AGMO: variants seen among roughly 807,000 people sequenced by gnomAD.
AGMO encodes glyceryl-ether monooxygenase.
AGMO carries 75 observed loss-of-function variants against 60.2 expected under a neutral mutation model. The observed-to-expected ratio is 1.25, with a 90% confidence interval of 1.03 to 1.51. The LOEUF (loss-of-function observed/expected upper bound fraction) is 1.51, where lower values mean the gene tolerates loss of function less well. Among genes scored for constraint, AGMO ranks in the 40% most tolerant of loss-of-function variants. The pLI, the probability that AGMO is intolerant of heterozygous loss-of-function variation, is 0.00. For synonymous variants in AGMO, 261 were observed against 177.1 expected, an observed-to-expected ratio of 1.47 and a Z score of -3.76; for missense variants, 763 against 525.5, an observed-to-expected ratio of 1.45 and a Z score of -4.42.
At chr7:15,172,731 T>G in the AGMO span, among the ~76,000 whole-genome samples, 1 of 152,136 alleles carries the variant, frequency 6.6e-6, no homozygotes, top group Admixed American at 6.5e-5. Context: ...ATGCTTATGC[T>G]TATCTAGAAT....
At chr7:15,418,766 T>C (rs545098769) in intron 4 of AGMO, 113 bp from the exon 5 acceptor site, 2 of 644,252 alleles carry the variant, frequency 3.1e-6, no homozygotes, top group African/African-American at 3.9e-5. Flanking sequence ...TCATACTATA[T>C]ACTGTATATT....
At chr7:15,143,678 T>G in the AGMO span, among the ~76,000 whole-genome samples, 1 of 151,364 alleles carries the variant, frequency 6.6e-6, no homozygotes, top group Non-Finnish European at 1.5e-5. Context: ...TTTGTTTTGT[T>G]TTGTTTTGTC....
chr7:15,341,526 TC>T (rs1384487938), intron 12 of AGMO, among the ~76,000 whole-genome samples: 1 of 152,178 alleles, frequency 6.6e-6, no homozygotes, highest in African/African-American at 2.4e-5. Context: ...TCTAGGAAGT[TC>T]CAAAGTTTCC....
At chr7:15,486,313 G>A (rs1345106646) in intron 3 of AGMO, among the ~76,000 whole-genome samples, 1 of 152,132 alleles carries the variant, frequency 6.6e-6, no homozygotes, top group African/African-American at 2.4e-5. Flanking sequence ...ATTCTAGGAA[G>A]AGATGTGGCT....
intron 12 of AGMO, among the ~76,000 whole-genome samples, chr7:15,351,845 C>T (rs967848737): frequency 2.6e-5 from 4 of 152,046 alleles, no homozygotes; most frequent in Admixed American, 1.3e-4. Flanking sequence ...TTAAATGAAT[C>T]ATTGAGAAAG....
chr7:15,117,799 A>G, the AGMO span, among the ~76,000 whole-genome samples: 4 of 152,050 alleles, frequency 2.6e-5, no homozygotes, highest in Non-Finnish European at 5.9e-5. Context: ...AAAGATAGGT[A>G]AAGTGCTCAG....
intron 2 of AGMO, among the ~76,000 whole-genome samples, chr7:15,554,919 T>G (rs1303327389): frequency 1.3e-5 from 2 of 152,002 alleles, no homozygotes; most frequent in Admixed American, 6.6e-5. Flanking sequence ...ATTTAAGGTA[T>G]GAGATAATTA....
chr7:15,374,368 G>C (rs959479843), intron 10 of AGMO, among the ~76,000 whole-genome samples: 2 of 151,966 alleles, frequency 1.3e-5, no homozygotes, highest in African/African-American at 4.8e-5. Context: ...AAAATATATT[G>C]GCTAAAAAAG....
At chr7:15,184,887 TGAAGGAAAGAAGGGAAAGAAGGAAGGA>T in the AGMO span, among the ~76,000 whole-genome samples, 1 of 9,156 alleles carries the variant, frequency 1.1e-4, no homozygotes, top group South Asian at 6.0e-3. Context: ...AAGGAAGGAA[TGAAGGAAAGAAGGGAAAGAAGGAAGGA>T]AGGGAGGGAG....
chr7:15,509,249 C>T (rs1783608664), intron 3 of AGMO, among the ~76,000 whole-genome samples: 1 of 152,090 alleles, frequency 6.6e-6, no homozygotes, highest in Non-Finnish European at 1.5e-5. Context: ...GAACAGAACA[C>T]AGACCTCAGA....
intron 5 of AGMO, among the ~76,000 whole-genome samples, chr7:15,406,339 T>C (rs1784688463): frequency 7.1e-6 from 1 of 141,732 alleles, no homozygotes; most frequent in Admixed American, 7.2e-5. Context: ...GGAATATACA[T>C]ATATATGTGT....
chr7:15,529,224 A>G (rs546390147), intron 3 of AGMO, among the ~76,000 whole-genome samples: 1 of 151,882 alleles, frequency 6.6e-6, no homozygotes, highest in African/African-American at 2.4e-5. Context: ...TTATTGGAGG[A>G]TGCATCATGT....
At chr7:15,416,119 C>T (rs531759506) in intron 5 of AGMO, among the ~76,000 whole-genome samples, 3 of 150,422 alleles carry the variant, frequency 2.0e-5, no homozygotes, top group South Asian at 4.2e-4. Flanking sequence ...CTGCAAGCTC[C>T]GCCTCCCAGG....
intron 12 of AGMO, 134 bp downstream of exon 12, chr7:15,365,380 T>TAAAAAAA (rs60202363): frequency 1.3e-4 from 28 of 223,984 alleles, no homozygotes; most frequent in African/African-American, 4.1e-4. Flanking sequence ...TACTGGTAAG[T>TAAAAAAA]AAAAAAAAAA....
intron 3 of AGMO, among the ~76,000 whole-genome samples, chr7:15,431,744 T>G (rs1781245357): frequency 6.6e-6 from 1 of 151,836 alleles, no homozygotes; most frequent in Non-Finnish European, 1.5e-5. Flanking sequence ...ATTTCTAAAT[T>G]TTTCCACATA....
chr7:15,285,279 A>G (rs115008580), intron 12 of AGMO, among the ~76,000 whole-genome samples: 3,390 of 152,170 alleles, frequency 0.022, 125 homozygotes, highest in African/African-American at 0.078. Context: ...AAAAAGAGGA[A>G]GTTAAACTAT....
At chr7:15,363,266 T>C (rs1226988674) in intron 12 of AGMO, among the ~76,000 whole-genome samples, 2 of 152,184 alleles carry the variant, frequency 1.3e-5, no homozygotes, top group African/African-American at 4.8e-5. Flanking sequence ...GTCTCCAAAC[T>C]TGACTTGGGG....
At chr7:15,295,877 G>A (rs1006772511) in intron 12 of AGMO, among the ~76,000 whole-genome samples, 2 of 152,060 alleles carry the variant, frequency 1.3e-5, no homozygotes, top group African/African-American at 4.8e-5. Flanking sequence ...AAGACTGAAT[G>A]TCCACCAATA....
At chr7:15,119,931 CTTT>C in the AGMO span, among the ~76,000 whole-genome samples, 86 of 142,968 alleles carry the variant, frequency 6.0e-4, no homozygotes, top group Middle Eastern at 3.7e-3. Flanking sequence ...ATCATGCATG[CTTT>C]TTTTTTTTTT....
Sources: gnomAD v4.1 joint callset for allele counts (sites outside exome capture counted in the v4.1 genomes callset) on GRCh38, gnomAD v4.1.1 for gene constraint, MANE v1.5 for transcripts, NCBI Gene and HGNC (gene_info 2026-07-23, HGNC 2026-07-21) for gene names.